Variants in AURKA observed in about 807,000 individuals in gnomAD.
AURKA encodes aurora 2.
A neutral mutation model predicts 40.9 loss-of-function variants in AURKA; 12 were observed. The ratio of observed to expected loss-of-function variants is 0.29; its 90% CI spans 0.19 to 0.48. The LOEUF is 0.48. AURKA is among the 20% of genes least tolerant of loss of function. The pLI, the probability that AURKA is intolerant of heterozygous loss-of-function variation, is 0.99. For missense variants in AURKA, 322 were observed against 462.1 expected (o/e 0.70, Z 2.78); for synonymous variants, 170 against 164.3 (o/e 1.03, Z -0.26).
chr20:56,374,431 A>C (rs1199387160), intron 6 of AURKA, among the ~76,000 whole-genome samples: 1 of 152,210 alleles, frequency 6.6e-6, no homozygotes, highest in African/African-American at 2.4e-5. Context: ...AAAGCTAAAA[A>C]TTTACTTCAA....
chr20:56,379,476 C>T (rs142898876), intron 6 of AURKA, among the ~76,000 whole-genome samples: 4 of 152,268 alleles, frequency 2.6e-5, no homozygotes, highest in East Asian at 1.9e-4. Flanking sequence ...CACATATATT[C>T]CCTTGCTGTG....
chr20:56,376,837 T>C (rs1026440689), intron 6 of AURKA, among the ~76,000 whole-genome samples: 2 of 152,144 alleles, frequency 1.3e-5, no homozygotes, highest in African/African-American at 4.8e-5. Flanking sequence ...CCCAACACTC[T>C]GGGAGGCCGA....
Position 56,384,486 on chromosome 20 carries a change from G to T in AURKA, c.320-162C>A, listed in dbSNP as rs987573932. 6.6e-5 allele frequency among the ~76,000 whole-genome samples: 10 copies of T among 151,718 alleles called. 1 individual carries two copies. The highest frequency in any genetic ancestry group is 2.4e-4 in the African/African-American group (10 of 41,260). On this transcript the variant is annotated intron_variant, in intron 3 of 8. Transcript: ENST00000395915. ...TAAAGTTTTCCTTATAGAAAAAAAG[G>T]ACTACTACACCCTGACTTCCATCAT...
intron 3 of AURKA, among the ~76,000 whole-genome samples, chr20:56,384,642 A>G (rs1273862934): frequency 6.6e-6 from 1 of 152,154 alleles, no homozygotes; most frequent in Non-Finnish European, 1.5e-5. Context: ...TTGTGGCAGA[A>G]GTACCAATCT....
At chr20:56,390,442 G>C (rs535358946) in intron 1 of AURKA, 1 of 152,154 alleles carries the variant, frequency 6.6e-6, no homozygotes, top group South Asian at 2.1e-4. Context: ...AGAGTAGCTG[G>C]GATTACAGAC....
In AURKA at chr20:56,384,252, G is replaced by A; in HGVS notation, c.374+18C>T. 4 of 1,584,026 alleles carry A rather than the reference G, an allele frequency of 2.5e-6. No individual in the cohort carries two copies. The highest frequency in any genetic ancestry group is 2.6e-6 in the Non-Finnish European group (3 of 1,154,732). ...TTCTAGTAGAACAGTACAGAACTTT[G>A]TAAATAAGAAAGCTTACTTTTTTGA... On this transcript the variant is annotated intron_variant, in intron 4 of 8. Transcript: ENST00000395915.
Position 56,383,009 on chromosome 20 carries a change from T to A in AURKA, c.542A>T (p.Glu181Val). 1.2e-6 allele frequency: 2 copies of A among 1,614,114 alleles called. No individual in the cohort carries two copies. The highest frequency in any genetic ancestry group is 1.7e-6 in the Non-Finnish European group (2 of 1,180,022). ...CCGAAGGTGGGACTGTATTTCTACT[T>A]CTCTTCTGAGCTGATGCTCCACTCC... ...KAGVEHQLRREVEIQSHLRHP... is the reference protein window; with the variant it reads ...KAGVEHQLRRVVEIQSHLRHP... Residue 181 changes from glutamate to valine, a missense_variant, in exon 5 of 9, where the codon GAA becomes GTA. Physicochemically the swap from Glu to Val is moderately radical, Grantham distance 121. Transcript: ENST00000395915.
intron 6 of AURKA, among the ~76,000 whole-genome samples, chr20:56,379,717 T>TGAGGCGGA (rs1271175833): frequency 2.0e-5 from 3 of 152,032 alleles, no homozygotes; most frequent in African/African-American, 7.2e-5. Context: ...ATCCTAGCAC[T>TGAGGCGGA]TTGGGAGGCT....
In AURKA at chr20:56,371,352, C is replaced by T. The variant is rs147638144; in HGVS notation, c.855-693G>A. 7.0e-3 allele frequency among the ~76,000 whole-genome samples: 1,059 copies of T among 152,040 alleles called. 15 individuals carry two copies. Among genetic ancestry groups the T allele is most frequent in the African/African-American group, 0.024 (1,015 of 41,462 alleles). On this transcript the variant is annotated intron_variant, in intron 7 of 8. Coordinates refer to ENST00000395915, the MANE Select transcript of AURKA (RefSeq NM_198437.3). ...TGGTGTGCGCCTGTAGTCCTAGCTA[C>T]TCAGGAGGCTGAGGCAGAAGAATGG...
Position 56,370,059 on chromosome 20 carries a change from A to AT in AURKA, c.*98dup. On this transcript the variant is annotated 3_prime_UTR_variant, in exon 9 of 9. Coordinates refer to ENST00000395915, the MANE Select transcript of AURKA (RefSeq NM_198437.3). The stretch of plus-strand genomic sequence containing the variant: ...AAATATTTCTTGTGTAGCGTTCTAG[A>AT]TTGAGGGCAGCAGTCAATGGTAAAA... The AT allele has an allele frequency of 6.9e-7, 1 of 1,444,742 alleles. No individual in the cohort carries two copies. Among genetic ancestry groups the AT allele is most frequent in the Non-Finnish European group, 9.7e-7 (1 of 1,029,856 alleles). 89.5% of individuals were successfully genotyped at this position (1,444,742 alleles called of 1,614,324 possible).
intron 5 of AURKA, 51 bp downstream of exon 5, chr20:56,382,934 A>G (rs752827659): frequency 1.3e-6 from 2 of 1,586,460 alleles, no homozygotes; most frequent in South Asian, 1.1e-5. Flanking sequence ...CAGGAGGGGG[A>G]GGGGTGCAGC....
intron 2 of AURKA, among the ~76,000 whole-genome samples, chr20:56,387,869 AT>A (rs1986557618): frequency 6.6e-6 from 1 of 152,188 alleles, no homozygotes; most frequent in Non-Finnish European, 1.5e-5. Context: ...TTTATGGCCA[AT>A]TTTAAAAGTT....
At chr20:56,372,671 A>G (rs1344584728) in intron 7 of AURKA, among the ~76,000 whole-genome samples, 1 of 151,614 alleles carries the variant, frequency 6.6e-6, no homozygotes, top group Non-Finnish European at 1.5e-5. Flanking sequence ...AACTAGCTTG[A>G]TTTTTAAGTC....
chr20:56,386,180 G>A (rs1569085128), intron 3 of AURKA, 77 bp downstream of exon 3: 2 of 1,567,872 alleles, frequency 1.3e-6, no homozygotes, highest in Non-Finnish European at 1.8e-6. Context: ...CAAACAATAA[G>A]TGCAAGTATA....
rs1984549724 is a variant in AURKA, at chr20:56,373,579, CTA to C, written c.706-25_706-24del. On this transcript the variant is annotated intron_variant, in intron 6 of 8. Transcript: ENST00000395915. The surrounding 1 kb of genome is among the most constrained non-coding windows in gnomAD (Gnocchi z 5.0). ...ATACTGTTAAAACAATATTGAAAGCCTATGTTTTAGATTTTATATAACACAAG... is the reference window on the plus strand; with the variant it reads ...ATACTGTTAAAACAATATTGAAAGCCTGTTTTAGATTTTATATAACACAAG... 1 of 1,611,234 alleles carries C rather than the reference CTA, an allele frequency of 6.2e-7. No individual in the cohort carries two copies. The highest frequency in any genetic ancestry group is 1.1e-5 in the South Asian group (1 of 91,010).
rs1247830312 is a variant in AURKA, at chr20:56,373,818, T to C, written c.706-262A>G. Among the ~76,000 whole-genome samples, 2 of 152,020 alleles carry C rather than the reference T, an allele frequency of 1.3e-5. No homozygotes were observed. The highest frequency in any genetic ancestry group is 2.9e-5 in the Non-Finnish European group (2 of 68,008). On this transcript the variant is annotated intron_variant, in intron 6 of 8. Coordinates refer to ENST00000395915, the MANE Select transcript of AURKA (RefSeq NM_198437.3). This position sits in a 1 kb window ranked among gnomAD's most constrained non-coding sequence, Gnocchi z 5.0. ...TTTAAAAATTAGCTGAGCGTGATGG[T>C]GCATGCCTGTAGTCCCAGCTACTTG...
At chr20:56,385,753 G>C (rs756799154) in intron 3 of AURKA, among the ~76,000 whole-genome samples, 1 of 152,118 alleles carries the variant, frequency 6.6e-6, no homozygotes, top group African/African-American at 2.4e-5. Context: ...GAGCCACTGC[G>C]CCTGGCCTTC....
At chr20:56,378,340 C>CT (rs1212397683) in intron 6 of AURKA, among the ~76,000 whole-genome samples, 2 of 152,180 alleles carry the variant, frequency 1.3e-5, no homozygotes, top group Non-Finnish European at 2.9e-5. Flanking sequence ...TTCCTTTGGC[C>CT]TTTGTCTTAT....
At chr20:56,386,858 C>G (rs1986438067) in intron 2 of AURKA, among the ~76,000 whole-genome samples, 1 of 152,020 alleles carries the variant, frequency 6.6e-6, no homozygotes, top group African/African-American at 2.4e-5. Flanking sequence ...TGGCAAAAAG[C>G]TATGATACAA....
Sources: allele counts gnomAD v4.1 joint callset (sites outside exome capture counted in the v4.1 genomes callset), GRCh38; gene constraint gnomAD v4.1.1; non-coding constraint Gnocchi (gnomAD v3.1); transcripts MANE v1.5; gene names NCBI Gene and HGNC (gene_info 2026-07-23, HGNC 2026-07-21).